ERMN: variants seen among roughly 807,000 people sequenced by gnomAD.
The protein encoded by ERMN is ermin.
ERMN carries 17 observed loss-of-function variants against 21.4 expected under a neutral mutation model. The ratio of observed to expected loss-of-function variants is 0.80; its 90% confidence interval spans 0.54 to 1.19. The LOEUF (loss-of-function observed/expected upper bound fraction) is 1.19. Among genes scored for constraint, ERMN ranks in the 50% most tolerant of loss-of-function variants. ERMN has a pLI of 0.00. For synonymous variants in ERMN, 115 were observed against 111.9 expected, an observed-to-expected ratio of 1.03 and a Z score of -0.17; for missense variants, 348 against 331.6, an observed-to-expected ratio of 1.05 and a Z score of -0.38.
At chr2:157,325,378 T>C (rs1684039139) in intron 1 of ERMN, 24 bp downstream of exon 1, 1 of 1,610,326 alleles carries the variant, frequency 6.2e-7, no homozygotes, top group Non-Finnish European at 8.5e-7. Context: ...AACAAGAAAA[T>C]TAAGGAGAAG....
At chr2:157,324,830 A>G in intron 1 of ERMN, 68 bp from the exon 2 acceptor site, 1 of 1,139,600 alleles carries the variant, frequency 8.8e-7, no homozygotes, top group Non-Finnish European at 1.2e-6. Context: ...TTAATAAGTT[A>G]TCAATTTAAA....
At chr2:157,321,900 G>T in intron 2 of ERMN, 109 bp from the exon 3 acceptor site, 2 of 928,778 alleles carry the variant, frequency 2.2e-6, no homozygotes, top group Non-Finnish European at 3.1e-6. Flanking sequence ...CCCAACACAT[G>T]TTTTATGGGA....
At chr2:157,327,373 A>C, upstream of ERMN, 1 of 738,388 alleles carries the variant, frequency 1.4e-6, no homozygotes, top group Non-Finnish European at 2.5e-6. Flanking sequence ...CTCTAATTCT[A>C]TGTTTGTTTG....
chr2:157,327,217 G>T (rs913633246), upstream of ERMN: 9 of 317,140 alleles, frequency 2.8e-5, no homozygotes, highest in African/African-American at 1.7e-4. Flanking sequence ...ACCTTTAAAA[G>T]TGTGTCTAGG....
intron 2 of ERMN, 30 bp downstream of exon 2, chr2:157,324,640 T>G (rs754140076): frequency 2.6e-6 from 4 of 1,536,002 alleles, no homozygotes; most frequent in Non-Finnish European, 9.0e-7. Flanking sequence ...GTCAAACAAT[T>G]TCTGTGTACA....
intron 2 of ERMN, among the ~76,000 whole-genome samples, chr2:157,322,296 C>A (rs1288692221): frequency 6.6e-6 from 1 of 151,718 alleles, no homozygotes; most frequent in South Asian, 2.1e-4. Context: ...TAGAAAAATA[C>A]TTCAGAAAGA....
chr2:157,324,120 A>ACACACACACAC (rs397966695), intron 2 of ERMN: 5 of 255,314 alleles, frequency 2.0e-5, no homozygotes, highest in Admixed American at 1.1e-4. Context: ...ACACACACAC[A>ACACACACACAC]AAATAGCTGG....
chr2:157,327,452 C>A (rs746241395), upstream of ERMN: 3 of 779,900 alleles, frequency 3.8e-6, no homozygotes, highest in South Asian at 4.0e-5. Flanking sequence ...CTAATTGACT[C>A]ATAAATAGTA....
At chr2:157,327,507 T>C (rs1460325868), upstream of ERMN, 1 of 779,246 alleles carries the variant, frequency 1.3e-6, no homozygotes, top group Non-Finnish European at 2.4e-6. Flanking sequence ...GGTGCTGTTG[T>C]TATCTCCATT....
chr2:157,327,050 C>G (rs1684083080), upstream of ERMN, among the ~76,000 whole-genome samples: 1 of 150,406 alleles, frequency 6.6e-6, no homozygotes, highest in Admixed American at 6.7e-5. Context: ...TATATATATA[C>G]ACATATATAC....
chr2:157,321,510 A>C lies in ERMN; in HGVS notation c.616T>G (p.Phe206Val), dbSNP rs921872437. 1.9e-6 allele frequency: 3 copies of C among 1,613,996 alleles called. No homozygotes were observed. The highest frequency in any genetic ancestry group is 2.5e-6 in the Non-Finnish European group (3 of 1,179,984). ...NDEDEVRVIE[F>V]KKKHEEVSQF... ...GAAACCTCTTCATGTTTTTTCTTAA[A>C]TTCTATCACTCGAACTTCATCTTCA... Residue 206 changes from phenylalanine to valine, a missense_variant, in exon 3 of 3, where the codon TTT (phenylalanine) becomes GTT (valine). Physicochemically the swap from Phe to Val is conservative, Grantham distance 50. Transcript: ENST00000410096.
rs756451218 is a variant in ERMN, at chr2:157,321,771, G to A, written c.355C>T (p.Pro119Ser). Residue 119 changes from proline (P) to serine (S), a missense_variant, in exon 3 of 3, where the codon CCT becomes TCT. Coordinates refer to ENST00000410096, the MANE Select transcript of ERMN (RefSeq NM_020711.3). ...FREGHQWEKI[P>S]LSGSNQEIRR... Reference sequence around the variant, plus strand: ...ATTTCCTGGTTACTGCCACTCAGAGGAATCTTCTCCCACTGATGCCCTGTA... The same window carrying A: ...ATTTCCTGGTTACTGCCACTCAGAGAAATCTTCTCCCACTGATGCCCTGTA... 8.1e-6 allele frequency: 13 copies of A among 1,610,070 alleles called. No individual in the cohort carries two copies. In the Admixed American group the frequency reaches 1.0e-4, roughly 12 times the overall value.
chr2:157,321,496 A>G lies in ERMN; in HGVS notation c.630T>C (p.His210=). Residue 210 remains histidine (H), a synonymous_variant, in exon 3 of 3, where the codon CAT becomes CAC. Coordinates refer to ENST00000410096, the MANE Select transcript of ERMN (RefSeq NM_020711.3). ...EVRVIEFKKK[H]EEVSQFKEEG... ...CCTCTTTAAATTGAGAAACCTCTTC[A>G]TGTTTTTTCTTAAATTCTATCACTC... The G allele has an allele frequency of 6.2e-7, 1 of 1,614,044 alleles. No homozygotes were observed. Among genetic ancestry groups the G allele is most frequent in the Non-Finnish European group, 8.5e-7 (1 of 1,179,992 alleles).
Position 157,323,213 on chromosome 2 carries a change from A to C in ERMN, c.335-1422T>G, listed in dbSNP as rs180831248. ...ATTCTCCATTTGATGAAAATGAAAGATCTAGACAACTGTTACCTGCAATGG... is the reference window on the plus strand; with the variant it reads ...ATTCTCCATTTGATGAAAATGAAAGCTCTAGACAACTGTTACCTGCAATGG... On this transcript the variant is annotated intron_variant, in intron 2 of 2. Transcript: ENST00000410096. Among the ~76,000 whole-genome samples the C allele has an allele frequency of 5.6e-3, 847 of 152,300 alleles. 4 individuals carry two copies. The highest frequency in any genetic ancestry group is 9.2e-3 in the Non-Finnish European group (623 of 68,030).
intron 2 of ERMN, among the ~76,000 whole-genome samples, chr2:157,323,153 C>T (rs976274853): frequency 1.1e-4 from 16 of 152,224 alleles, no homozygotes; most frequent in Admixed American, 7.8e-4. Flanking sequence ...ACTTAACCAG[C>T]GAGACCATCT....
chr2:157,325,422 A>G lies in ERMN; in HGVS notation c.221T>C (p.Met74Thr). 1 of 1,614,128 alleles carries G rather than the reference A, an allele frequency of 6.2e-7. No individual in the cohort carries two copies. Among genetic ancestry groups the G allele is most frequent in the Non-Finnish European group, 8.5e-7 (1 of 1,180,000 alleles). ...LQGNMLLNSS[M>T]EDKMLKENPE... The stretch of plus-strand genomic sequence containing the variant: ...TTTACCTTTTAGCATTTTGTCCTCC[A>G]TGGATGAGTTGAGCAGCATGTTCCC... The change falls in exon 1 of 3, where the codon ATG (methionine) becomes ACG (threonine). Residue 74 changes from methionine to threonine, a missense_variant. By Grantham distance (81) the Met-to-Thr change is moderately conservative. Transcript: ENST00000410096.
intron 1 of ERMN, among the ~76,000 whole-genome samples, 195 bp from the exon 2 acceptor site, chr2:157,324,957 T>C (rs1260396863): frequency 6.6e-6 from 1 of 151,740 alleles, no homozygotes; most frequent in Non-Finnish European, 1.5e-5. Flanking sequence ...TTGATTGTAA[T>C]CTCTCCTTTA....
intron 2 of ERMN, chr2:157,324,408 A>C (rs1041448956): frequency 2.4e-5 from 10 of 419,100 alleles, no homozygotes; most frequent in African/African-American, 4.2e-5. Context: ...CAGTGGACTA[A>C]CTTAAGAGAT....
intron 1 of ERMN, 108 bp downstream of exon 1, chr2:157,325,294 G>C (rs888149790): frequency 2.2e-5 from 31 of 1,411,624 alleles, no homozygotes; most frequent in Non-Finnish European, 2.8e-5. Context: ...AGAATAAAGG[G>C]CTACATTTTT....
Sources: allele counts gnomAD v4.1 joint callset (sites outside exome capture counted in the v4.1 genomes callset), GRCh38; gene constraint gnomAD v4.1.1; transcripts MANE v1.5; gene names NCBI Gene and HGNC (gene_info 2026-07-23, HGNC 2026-07-21).